The following CHODL variants were observed in gnomAD, a reference collection of about 807,000 sequenced individuals.
CHODL encodes the protein transmembrane protein MT75.
CHODL carries 29 observed loss-of-function variants against 34.5 expected under a neutral mutation model. That is an observed-to-expected ratio of 0.84 (90% confidence interval 0.63 to 1.15). The LOEUF (loss-of-function observed/expected upper bound fraction) is 1.15. Ranked by LOEUF, CHODL falls within the 50% of genes most tolerant of loss-of-function variation. The pLI is 0.00. For synonymous variants in CHODL, 125 were observed against 116.1 expected, an observed-to-expected ratio of 1.08 and a Z score of -0.49; for missense variants, 332 against 332.5, an observed-to-expected ratio of 1.00 and a Z score of 0.01.
Position 18,146,067 on chromosome 21 carries a change from C to G in CHODL, c.-44-110442C>G, listed in dbSNP as rs1272324585. The stretch of plus-strand genomic sequence containing the variant: ...CATTGCAACCTCTGCCTCCCAGGTT[C>G]AAGCAATTCTCCTGCCCCAGCCTCC... On this transcript the variant is annotated intron_variant, in intron 2 of 6. Coordinates refer to the CHODL transcript ENST00000400127. Among the ~76,000 whole-genome samples the G allele has an allele frequency of 3.3e-5, 5 of 152,108 alleles. No homozygotes were observed. In the East Asian group the frequency reaches 9.7e-4, roughly 29 times the overall value.
chr21:18,050,332 G>T (rs1000370974), intron 2 of CHODL, among the ~76,000 whole-genome samples: 2 of 151,846 alleles, frequency 1.3e-5, no homozygotes, highest in Non-Finnish European at 2.9e-5. Context: ...GGAAGAGTTG[G>T]GTATTATTTG....
intron 2 of CHODL, among the ~76,000 whole-genome samples, chr21:18,150,627 C>G (rs1244702072): frequency 6.6e-6 from 1 of 152,136 alleles, no homozygotes; most frequent in Non-Finnish European, 1.5e-5. Flanking sequence ...TGCTCCCATT[C>G]AGGGGAACTC....
At chr21:18,230,335 A>T (rs542788697) in intron 2 of CHODL, among the ~76,000 whole-genome samples, 1 of 152,254 alleles carries the variant, frequency 6.6e-6, no homozygotes, top group African/African-American at 2.4e-5. Context: ...GACATAGAAG[A>T]GATGATTTTC....
intron 1 of CHODL, among the ~76,000 whole-genome samples, chr21:18,005,967 A>C (rs1234619830): frequency 9.9e-5 from 15 of 152,186 alleles, no homozygotes. Flanking sequence ...CCCACGGGGA[A>C]GTGACTGAAT....
chr21:18,064,372 A>G (rs1347477215), intron 2 of CHODL, among the ~76,000 whole-genome samples: 1 of 152,202 alleles, frequency 6.6e-6, no homozygotes, highest in Non-Finnish European at 1.5e-5. Flanking sequence ...AAACCTATGT[A>G]CTTAATATTT....
chr21:17,969,150 A>G (rs1600843066), intron 1 of CHODL, among the ~76,000 whole-genome samples: 1 of 152,334 alleles, frequency 6.6e-6, no homozygotes, highest in East Asian at 1.9e-4. Context: ...AGTCCTGGGT[A>G]ATTTTCTTCT....
intron 2 of CHODL, among the ~76,000 whole-genome samples, chr21:18,157,741 TG>T (rs1181897200): frequency 6.6e-6 from 1 of 152,224 alleles, no homozygotes; most frequent in African/African-American, 2.4e-5. Flanking sequence ...ACTGAAGGCT[TG>T]GTTTATAGTA....
chr21:18,253,228 A>C (rs978442490), intron 1 of CHODL, among the ~76,000 whole-genome samples: 1 of 152,088 alleles, frequency 6.6e-6, no homozygotes, highest in Non-Finnish European at 1.5e-5. Flanking sequence ...TAGCATATGC[A>C]TCATACCCAG....
At chr21:18,097,912 C>T (rs1449606137) in intron 2 of CHODL, among the ~76,000 whole-genome samples, 2 of 152,038 alleles carry the variant, frequency 1.3e-5, no homozygotes, top group African/African-American at 2.4e-5. Context: ...GATACAAATT[C>T]ACACACCTGC....
At chr21:18,014,061 G>A (rs2064047711) in intron 1 of CHODL, among the ~76,000 whole-genome samples, 1 of 152,178 alleles carries the variant, frequency 6.6e-6, no homozygotes, top group Non-Finnish European at 1.5e-5. Context: ...GTGGGCACAA[G>A]CTGATAGGTT....
intron 2 of CHODL, among the ~76,000 whole-genome samples, chr21:18,193,704 A>T (rs535107948): frequency 2.8e-5 from 4 of 145,204 alleles, no homozygotes; most frequent in African/African-American, 1.1e-4. Flanking sequence ...TCAGAAAAAA[A>T]AAAAAATAAA....
chr21:17,966,438 C>T (rs562279463), intron 1 of CHODL, among the ~76,000 whole-genome samples: 1 of 152,228 alleles, frequency 6.6e-6, no homozygotes, highest in East Asian at 1.9e-4. Flanking sequence ...GTTTGCCTTG[C>T]AATCTTTCTT....
chr21:18,041,704 A>C (rs762044031), intron 2 of CHODL, among the ~76,000 whole-genome samples: 1 of 151,966 alleles, frequency 6.6e-6, no homozygotes, highest in African/African-American at 2.4e-5. Context: ...CTCAATTTAA[A>C]ATAACTGAGA....
chr21:18,154,624 G>C (rs1280897516), intron 2 of CHODL, among the ~76,000 whole-genome samples: 1 of 152,036 alleles, frequency 6.6e-6, no homozygotes, highest in African/African-American at 2.4e-5. Flanking sequence ...TCCATCTGCC[G>C]TCCTAAATTC....
chr21:18,065,297 C>A (rs2064717965), intron 2 of CHODL, among the ~76,000 whole-genome samples: 1 of 152,184 alleles, frequency 6.6e-6, no homozygotes, highest in South Asian at 2.1e-4. Flanking sequence ...TGTAAACCAT[C>A]TTTTTCATCT....
At chr21:18,201,647 A>G (rs58322126) in intron 2 of CHODL, among the ~76,000 whole-genome samples, 25,604 of 152,066 alleles carry the variant, frequency 0.17, 2,763 homozygotes, top group African/African-American at 0.3. Context: ...GAATTGTTTG[A>G]CTTAATCTGT....
chr21:18,070,014 CTTCCCTT>C (rs2064779520), intron 2 of CHODL, among the ~76,000 whole-genome samples: 1 of 77,608 alleles, frequency 1.3e-5, no homozygotes, highest in African/African-American at 4.1e-5. Flanking sequence ...CTTCCCTTCC[CTTCCCTT>C]CCCTCCCCCC....
chr21:18,186,403 A>C (rs1239565921), intron 2 of CHODL, among the ~76,000 whole-genome samples: 1 of 150,364 alleles, frequency 6.7e-6, no homozygotes, highest in African/African-American at 2.5e-5. Context: ...AAGTTAAAAA[A>C]AAAAATTAAA....
chr21:18,252,124 T>C (rs547993420), intron 1 of CHODL, among the ~76,000 whole-genome samples: 1 of 152,204 alleles, frequency 6.6e-6, no homozygotes, highest in East Asian at 1.9e-4. Context: ...GCAGATCTTT[T>C]CTCTCTCTTG....
Sources: gnomAD v4.1 joint callset for allele counts (sites outside exome capture counted in the v4.1 genomes callset) on GRCh38, gnomAD v4.1.1 for gene constraint, MANE v1.5 for transcripts, NCBI Gene and HGNC (gene_info 2026-07-23, HGNC 2026-07-21) for gene names.